Variants in EIF3H observed in about 807,000 individuals in gnomAD.
EIF3H encodes the protein eukaryotic translation initiation factor 3 subunit H.
In EIF3H, 26 loss-of-function variants were observed where a neutral mutation model predicts 44.2. That is an observed-to-expected ratio of 0.59 (90% CI 0.43 to 0.82). The LOEUF (loss-of-function observed/expected upper bound fraction) is 0.82. Among genes scored for constraint, EIF3H ranks in the 40% least tolerant of loss-of-function variants. The pLI, the probability that EIF3H is intolerant of heterozygous loss-of-function variation, is 0.00. For synonymous variants in EIF3H, 166 were observed against 151.9 expected (o/e 1.09, Z -0.68); for missense variants, 359 against 432.8 (o/e 0.83, Z 1.51).
At chr8:116,702,807 A>G (rs1399910555) in intron 2 of EIF3H, among the ~76,000 whole-genome samples, 1 of 152,208 alleles carries the variant, frequency 6.6e-6, no homozygotes, top group Non-Finnish European at 1.5e-5. Context: ...AAATCATTTT[A>G]GGGCAGTGGT....
In EIF3H at chr8:116,648,845, G is replaced by A. The variant is rs756905423; in HGVS notation, c.789C>T (p.Tyr263=). Residue 263 remains tyrosine, a synonymous_variant, in exon 6 of 8, where the codon TAC becomes TAT. Transcript: ENST00000521861. ...GCTGTTGTTTACTAGTATTCCTCAT[G>A]TATGTGTTGTATTTAACTATATCTT... ...MSQDIVKYNT[Y]MRNTSKQQQQ... 1.2e-6 allele frequency: 2 copies of A among 1,610,828 alleles called. No homozygotes were observed. Among genetic ancestry groups the A allele is most frequent in the South Asian group, 1.1e-5 (1 of 90,634 alleles).
intron 1 of EIF3H, among the ~76,000 whole-genome samples, chr8:116,744,079 A>G (rs561561207): frequency 5.3e-5 from 8 of 152,134 alleles, no homozygotes; most frequent in African/African-American, 1.9e-4. Context: ...TAAGTAAGTG[A>G]TCTTAGGAAA....
intron 1 of EIF3H, 69 bp downstream of exon 1, chr8:116,755,597 T>A: frequency 6.3e-7 from 1 of 1,599,892 alleles, no homozygotes; most frequent in Non-Finnish European, 8.5e-7. Flanking sequence ...TGCTAGAAAG[T>A]ACGTCTGGTG....
intron 1 of EIF3H, among the ~76,000 whole-genome samples, chr8:116,731,716 C>T (rs1329510142): frequency 6.6e-6 from 1 of 152,200 alleles, no homozygotes; most frequent in Non-Finnish European, 1.5e-5. Context: ...ATGTTTTCTG[C>T]AGCACAGTAA....
At position 116,644,053 on chromosome 8, in the gene EIF3H, A is replaced by C. The variant is rs1004253229; in HGVS notation, c.*953T>G. 1.3e-5 allele frequency: 2 copies of C among 152,252 alleles called. No individual in the cohort carries two copies. Among genetic ancestry groups the C allele is most frequent in the African/African-American group, 4.8e-5 (2 of 41,472 alleles). 9.4% of individuals were successfully genotyped at this position (152,252 alleles called of 1,614,324 possible). A position where few individuals can be genotyped will look rare whatever the true frequency, so the allele number is the denominator to read the frequency against. On this transcript the variant is annotated 3_prime_UTR_variant, in exon 8 of 8. Coordinates refer to ENST00000521861, the MANE Select transcript of EIF3H (RefSeq NM_003756.3). ...ATGTGAAGTCCTAAATAATATAAAC[A>C]AAATGAAGTTTACTTGTGGTGGCAT...
chr8:116,649,970 T>C (rs1226390449), intron 5 of EIF3H, among the ~76,000 whole-genome samples: 1 of 152,160 alleles, frequency 6.6e-6, no homozygotes, highest in Non-Finnish European at 1.5e-5. Context: ...GCAGATTTGA[T>C]GACACAAGAG....
At chr8:116,674,985 C>T (rs1586447080) in intron 2 of EIF3H, among the ~76,000 whole-genome samples, 1 of 152,144 alleles carries the variant, frequency 6.6e-6, no homozygotes, top group Non-Finnish European at 1.5e-5. Context: ...AACACTGCTC[C>T]TGTAGTTGGA....
At chr8:116,752,143 G>A (rs1470443957) in intron 1 of EIF3H, among the ~76,000 whole-genome samples, 1 of 152,178 alleles carries the variant, frequency 6.6e-6, no homozygotes, top group Non-Finnish European at 1.5e-5. Context: ...AGGTATGAAA[G>A]CAAAAGAAAG....
intron 5 of EIF3H, among the ~76,000 whole-genome samples, chr8:116,652,939 TATA>T (rs1813421052): frequency 6.6e-6 from 1 of 152,172 alleles, no homozygotes; most frequent in Non-Finnish European, 1.5e-5. Flanking sequence ...CTATACTAAG[TATA>T]GGAAATGTCG....
At chr8:116,673,212 C>A (rs767340729) in intron 2 of EIF3H, among the ~76,000 whole-genome samples, 1 of 152,060 alleles carries the variant, frequency 6.6e-6, no homozygotes, top group South Asian at 2.1e-4. Flanking sequence ...GCAAAAGCAG[C>A]AAGCATTTGG....
At chr8:116,752,797 GA>G (rs1251987874) in intron 1 of EIF3H, among the ~76,000 whole-genome samples, 2,382 of 87,686 alleles carry the variant, frequency 0.027, 244 homozygotes, top group East Asian at 0.21. Context: ...GGGAGGGAGG[GA>G]AGGAAGGAAG....
chr8:116,660,947 G>A (rs759367086), intron 2 of EIF3H, among the ~76,000 whole-genome samples: 3 of 152,068 alleles, frequency 2.0e-5, no homozygotes, highest in African/African-American at 4.8e-5. Context: ...TATGACAGCC[G>A]AAAAAGCAGT....
In EIF3H at chr8:116,642,515, AG is replaced by A. The variant is rs1407172289; in HGVS notation, c.*2490del. ...TTTTAAGAATAATGTTATGATTATT[AG>A]ATTATTATCAATGATTAGAAAGTTA... is the stretch of plus-strand genomic sequence containing the variant. On this transcript the variant is annotated 3_prime_UTR_variant, in exon 8 of 8. Transcript: ENST00000521861. 6.6e-6 allele frequency: 1 copy of A among 152,196 alleles called. No homozygotes were observed. The highest frequency in any genetic ancestry group is 1.5e-5 in the Non-Finnish European group (1 of 68,042). 9.4% of individuals were successfully genotyped at this position (152,196 alleles called of 1,614,324 possible).
At chr8:116,671,542 A>T (rs956258726) in intron 2 of EIF3H, among the ~76,000 whole-genome samples, 10 of 152,178 alleles carry the variant, frequency 6.6e-5, no homozygotes, top group Non-Finnish European at 1.5e-4. Flanking sequence ...AGAAAGAATG[A>T]ATTCATGCAT....
chr8:116,706,830 C>G (rs1814478480), intron 2 of EIF3H, among the ~76,000 whole-genome samples: 3 of 152,180 alleles, frequency 2.0e-5, no homozygotes, highest in Admixed American at 2.0e-4. Context: ...CAGGCATGAG[C>G]CACAGCACCC....
chr8:116,749,968 G>A (rs1815299554), intron 1 of EIF3H, among the ~76,000 whole-genome samples: 1 of 152,298 alleles, frequency 6.6e-6, no homozygotes, highest in African/African-American at 2.4e-5. Context: ...AATGTGCCAG[G>A]AAGGAACAAA....
At chr8:116,746,233 C>A (rs1334956870) in intron 1 of EIF3H, among the ~76,000 whole-genome samples, 2 of 152,134 alleles carry the variant, frequency 1.3e-5, no homozygotes, top group Non-Finnish European at 2.9e-5. Flanking sequence ...TGTAAGACAC[C>A]TGAGTTCTGA....
upstream of EIF3H, among the ~76,000 whole-genome samples, chr8:116,759,690 G>A (rs993920715): frequency 1.3e-5 from 2 of 152,110 alleles, no homozygotes; most frequent in African/African-American, 4.8e-5. Context: ...GCCAAAAGAT[G>A]TGTGGGGTGT....
intron 1 of EIF3H, among the ~76,000 whole-genome samples, chr8:116,746,123 A>G (rs1353325871): frequency 6.6e-6 from 1 of 152,180 alleles, no homozygotes; most frequent in Admixed American, 6.5e-5. Flanking sequence ...AATATTTACT[A>G]AATTGACTTC....
Sources: gnomAD v4.1 joint callset for allele counts (sites outside exome capture counted in the v4.1 genomes callset) on GRCh38, gnomAD v4.1.1 for gene constraint, MANE v1.5 for transcripts, NCBI Gene and HGNC (gene_info 2026-07-23, HGNC 2026-07-21) for gene names.